Variants in STARD13 observed in about 807,000 individuals in gnomAD.
STARD13 encodes stAR-related lipid transfer protein 13.
Under a neutral mutation model 106.4 loss-of-function variants are expected in STARD13, and 62 were observed. The observed-to-expected ratio is 0.58, with a 90% confidence interval of 0.48 to 0.72. The LOEUF (loss-of-function observed/expected upper bound fraction) is 0.72, where lower values mean the gene tolerates loss of function less well. Among genes scored for constraint, STARD13 ranks in the 30% least tolerant of loss-of-function variants. The probability of loss-of-function intolerance (pLI) is 0.00; values close to 1 mark genes in which losing one functional copy is unlikely to be tolerated. For missense variants in STARD13, 1,387 were observed against 1,424.0 expected, an observed-to-expected ratio of 0.97 and a Z score of 0.42; for synonymous variants, 565 against 553.0, an observed-to-expected ratio of 1.02 and a Z score of -0.31.
At chr13:33,457,368 T>C in the STARD13 span, among the ~76,000 whole-genome samples, 27 of 152,340 alleles carry the variant, frequency 1.8e-4, no homozygotes, top group Middle Eastern at 3.4e-3. Flanking sequence ...CTCTAAAGGA[T>C]GAATCATACA....
chr13:33,135,763 C>T (rs1446970387), intron 4 of STARD13, among the ~76,000 whole-genome samples: 1 of 152,208 alleles, frequency 6.6e-6, no homozygotes, highest in East Asian at 1.9e-4. Flanking sequence ...TACATTATTA[C>T]CCATGAGTAA....
the STARD13 span, among the ~76,000 whole-genome samples, chr13:33,421,538 A>C: frequency 0.16 from 23,762 of 152,156 alleles, 4,440 homozygotes; most frequent in African/African-American, 0.44. Context: ...TGTTACCATT[A>C]CTTCTGAAAC....
the STARD13 span, among the ~76,000 whole-genome samples, chr13:33,591,316 A>C: frequency 6.6e-6 from 1 of 152,252 alleles, no homozygotes; most frequent in Non-Finnish European, 1.5e-5. Flanking sequence ...CTTATTTATC[A>C]TGTAAAAAAA....
chr13:33,538,929 C>T, the STARD13 span, among the ~76,000 whole-genome samples: 3 of 152,030 alleles, frequency 2.0e-5, no homozygotes, highest in African/African-American at 2.4e-5. Context: ...GCCACCATGC[C>T]GGACTAATTT....
the STARD13 span, among the ~76,000 whole-genome samples, chr13:33,369,084 C>G: frequency 6.6e-6 from 1 of 152,034 alleles, no homozygotes; most frequent in Non-Finnish European, 1.5e-5. Flanking sequence ...TAATTTTTCC[C>G]TATATGTCCC....
At chr13:33,472,237 C>T in the STARD13 span, among the ~76,000 whole-genome samples, 1 of 151,942 alleles carries the variant, frequency 6.6e-6, no homozygotes, top group Non-Finnish European at 1.5e-5. Flanking sequence ...TTCTGGGGTA[C>T]ATGAGATGCT....
chr13:33,561,775 G>A, the STARD13 span, among the ~76,000 whole-genome samples: 7 of 146,594 alleles, frequency 4.8e-5, 1 homozygote, highest in African/African-American at 1.8e-4. Flanking sequence ...ATAATTTACA[G>A]CATTAGTCAA....
intron 1 of STARD13, chr13:33,336,412 A>T (rs999828221): frequency 1.3e-5 from 2 of 152,190 alleles, no homozygotes; most frequent in African/African-American, 4.8e-5. Flanking sequence ...CCCTGCTGTC[A>T]AAGACAGGTC....
the STARD13 span, among the ~76,000 whole-genome samples, chr13:33,365,912 T>C: frequency 1.3e-5 from 2 of 152,308 alleles, no homozygotes; most frequent in Non-Finnish European, 2.9e-5. Flanking sequence ...TTTTCTTTTA[T>C]TTTTTGTGCC....
At chr13:33,614,286 T>TGTGTGTGTGTGTGTGTGTGA in the STARD13 span, among the ~76,000 whole-genome samples, 1 of 151,948 alleles carries the variant, frequency 6.6e-6, no homozygotes, top group Non-Finnish European at 1.5e-5. Flanking sequence ...TGTGTGTGTG[T>TGTGTGTGTGTGTGTGTGTGA]GTGTGTGTGT....
the STARD13 span, among the ~76,000 whole-genome samples, chr13:33,437,505 C>T: frequency 6.6e-6 from 1 of 152,126 alleles, no homozygotes; most frequent in Non-Finnish European, 1.5e-5. Context: ...AGCTCTTGGA[C>T]ATTCCAATCA....
the STARD13 span, among the ~76,000 whole-genome samples, chr13:33,621,115 T>A: frequency 5.9e-5 from 9 of 151,410 alleles, no homozygotes; most frequent in South Asian, 1.2e-3. Context: ...AGAGTGAAAA[T>A]TAAAAAAGCA....
At chr13:33,177,759 GAAGGAAGGAA>G (rs1187782563) in intron 1 of STARD13, among the ~76,000 whole-genome samples, 2 of 111,854 alleles carry the variant, frequency 1.8e-5, no homozygotes, top group Non-Finnish European at 3.6e-5. Flanking sequence ...AAAAAGGAAG[GAAGGAAGGAA>G]AGGAAGGAAG....
the STARD13 span, among the ~76,000 whole-genome samples, chr13:33,368,819 C>G: frequency 6.6e-6 from 1 of 152,128 alleles, no homozygotes; most frequent in African/African-American, 2.4e-5. Flanking sequence ...TGGTGTGTCT[C>G]CCATGGGGTT....
At chr13:33,374,939 A>G in the STARD13 span, among the ~76,000 whole-genome samples, 1 of 152,218 alleles carries the variant, frequency 6.6e-6, no homozygotes, top group Non-Finnish European at 1.5e-5. Context: ...CCTATTAGAA[A>G]TGGTGATGCC....
chr13:33,537,159 C>T, the STARD13 span, among the ~76,000 whole-genome samples: 2 of 152,134 alleles, frequency 1.3e-5, no homozygotes, highest in African/African-American at 4.8e-5. Flanking sequence ...ATAAAATGAA[C>T]AAGTTGTTTA....
the STARD13 span, among the ~76,000 whole-genome samples, chr13:33,638,864 G>C: frequency 1.3e-5 from 2 of 152,168 alleles, no homozygotes; most frequent in Admixed American, 1.3e-4. Context: ...TTTGTTCAAA[G>C]CTGTTAGTTT....
chr13:33,298,292 G>A (rs2138454561), intron 1 of STARD13, among the ~76,000 whole-genome samples: 1 of 129,406 alleles, frequency 7.7e-6, no homozygotes, highest in Admixed American at 8.5e-5. Context: ...ACCATGCTCA[G>A]CTAATTTTTT....
At chr13:33,113,757 G>T (rs1030304639) in intron 8 of STARD13, among the ~76,000 whole-genome samples, 8 of 152,160 alleles carry the variant, frequency 5.3e-5, no homozygotes, top group African/African-American at 1.7e-4. Context: ...AGTGGGTACT[G>T]GTTATGCAGG....
Sources: allele counts gnomAD v4.1 joint callset (sites outside exome capture counted in the v4.1 genomes callset), GRCh38; gene constraint gnomAD v4.1.1; transcripts MANE v1.5; gene names NCBI Gene and HGNC (gene_info 2026-07-23, HGNC 2026-07-21).